MAGT1: variants seen among roughly 807,000 people sequenced by gnomAD.
MAGT1 encodes the protein magnesium transporter 1.
MAGT1 carries 4 observed loss-of-function variants against 28.4 expected under a neutral mutation model. The ratio of observed to expected loss-of-function variants is 0.14; its 90% CI spans 0.07 to 0.32. MAGT1 has a LOEUF of 0.32. Among genes scored for constraint, MAGT1 ranks in the 10% least tolerant of loss-of-function variants. The probability of loss-of-function intolerance (pLI) is 1.00; values close to 1 mark genes in which losing one functional copy is unlikely to be tolerated. For missense variants in MAGT1, 193 were observed against 264.5 expected, an observed-to-expected ratio of 0.73 and a Z score of 1.88; for synonymous variants, 89 against 89.7, an observed-to-expected ratio of 0.99 and a Z score of 0.04.
rs995718980 is a variant in MAGT1, at chrX:77,871,619, G to A, written c.273-694C>T. Among the ~76,000 whole-genome samples, 9 of 111,573 alleles carry A rather than the reference G, an allele frequency of 8.1e-5. No homozygotes were observed. The Admixed American group carries it at 8.6e-4, about 11-fold the overall frequency. ...AGCACGTTGGGAGGCTGAGGCAGGC[G>A]GATCACAAGGTCAGGAGTTCGAGAC... On this transcript the variant is annotated intron_variant, in intron 2 of 9. Transcript: ENST00000618282.
chrX:77,878,226 T>G, intron 1 of MAGT1, among the ~76,000 whole-genome samples: 1 of 93,470 alleles, frequency 1.1e-5, no homozygotes. Context: ...GAGACGGAGG[T>G]TGCAGTGAGC....
intron 8 of MAGT1, among the ~76,000 whole-genome samples, chrX:77,831,550 TG>T (rs1316573328): frequency 9.1e-6 from 1 of 109,937 alleles, no homozygotes; most frequent in East Asian, 2.8e-4. Context: ...TTAGAAACAC[TG>T]TTACAATCGA....
At chrX:77,885,961 C>T (rs1296741445) in intron 1 of MAGT1, among the ~76,000 whole-genome samples, 1 of 111,146 alleles carries the variant, frequency 9.0e-6, no homozygotes, top group Non-Finnish European at 1.9e-5. Context: ...ACTTGGGTGA[C>T]AGAGCGAGAC....
At chrX:77,862,659 T>C (rs544702953) in intron 3 of MAGT1, among the ~76,000 whole-genome samples, 1 of 111,479 alleles carries the variant, frequency 9.0e-6, no homozygotes, top group African/African-American at 3.2e-5. Context: ...ATACTCAACA[T>C]CACTCATCAT....
intron 2 of MAGT1, among the ~76,000 whole-genome samples, chrX:77,872,312 G>T (rs1341922947): frequency 9.0e-6 from 1 of 111,315 alleles, no homozygotes; most frequent in African/African-American, 3.3e-5. Flanking sequence ...CAAAGTGCTG[G>T]GATTACAGGT....
chrX:77,872,401 A>C (rs1461286473), intron 2 of MAGT1, among the ~76,000 whole-genome samples: 1 of 111,702 alleles, frequency 9.0e-6, no homozygotes, highest in East Asian at 2.8e-4. Context: ...ACTTTCCTGA[A>C]ACACTTCTCA....
intron 3 of MAGT1, among the ~76,000 whole-genome samples, chrX:77,862,657 C>G (rs1557216556): frequency 9.0e-6 from 1 of 111,591 alleles, no homozygotes; most frequent in East Asian, 2.8e-4. Flanking sequence ...AAATACTCAA[C>G]ATCACTCATC....
chrX:77,856,657 T>A, intron 5 of MAGT1, 76 bp downstream of exon 5: 1 of 983,376 alleles, frequency 1.0e-6, no homozygotes, highest in Non-Finnish European at 1.4e-6. Context: ...ACTTCTCACA[T>A]AAATAAAAGC....
chrX:77,865,636 A>G (rs1217228798), intron 3 of MAGT1, among the ~76,000 whole-genome samples: 1 of 111,607 alleles, frequency 9.0e-6, no homozygotes, highest in Admixed American at 9.6e-5. Flanking sequence ...CTACAGAGCT[A>G]ACTCTACTGT....
chrX:77,883,022 TA>T (rs2077056998), intron 1 of MAGT1, among the ~76,000 whole-genome samples: 1 of 101,426 alleles, frequency 9.9e-6, no homozygotes, highest in African/African-American at 3.5e-5. Context: ...ATATAAATTA[TA>T]TATTTGTTAT....
chrX:77,843,443 C>T (rs1420732574), intron 7 of MAGT1, among the ~76,000 whole-genome samples: 1 of 110,756 alleles, frequency 9.0e-6, no homozygotes, highest in African/African-American at 3.3e-5. Flanking sequence ...ACTATGTTGC[C>T]CAGGCTGGTC....
At chrX:77,885,091 G>A (rs2077063959) in intron 1 of MAGT1, among the ~76,000 whole-genome samples, 1 of 108,885 alleles carries the variant, frequency 9.2e-6, no homozygotes, top group African/African-American at 3.3e-5. Flanking sequence ...GAGAGACAGG[G>A]TGTCACTTTG....
At chrX:77,846,015 T>C (rs782521577) in intron 7 of MAGT1, among the ~76,000 whole-genome samples, 4 of 112,234 alleles carry the variant, frequency 3.6e-5, no homozygotes, top group South Asian at 7.4e-4. Flanking sequence ...TCCTGGATAA[T>C]ATCCTGCAGT....
chrX:77,839,510 A>AT (rs35868006), intron 8 of MAGT1, among the ~76,000 whole-genome samples: 40,261 of 80,252 alleles, frequency 0.5, 11,378 homozygotes, highest in Non-Finnish European at 0.68. Flanking sequence ...CGCCTGGCTA[A>AT]TTTTTTTTTT....
At chrX:77,892,760 A>G (rs1398184354) in intron 1 of MAGT1, among the ~76,000 whole-genome samples, 1 of 110,899 alleles carries the variant, frequency 9.0e-6, no homozygotes, top group Admixed American at 9.6e-5. Context: ...TCATGCCACT[A>G]CACTCCAGCC....
At chrX:77,875,396 AT>A (rs1557217700) in intron 2 of MAGT1, 31 bp downstream of exon 2, 1 of 1,191,753 alleles carries the variant, frequency 8.4e-7, no homozygotes, top group Admixed American at 2.2e-5. Context: ...TATATGAGTT[AT>A]TTAATTTTAA....
At chrX:77,879,568 C>T (rs1413967592) in intron 1 of MAGT1, among the ~76,000 whole-genome samples, 1 of 111,483 alleles carries the variant, frequency 9.0e-6, no homozygotes, top group African/African-American at 3.3e-5. Context: ...CTAGCACTTA[C>T]CATTTTAAGA....
At chrX:77,873,832 C>G (rs1296521297) in intron 2 of MAGT1, among the ~76,000 whole-genome samples, 1 of 111,478 alleles carries the variant, frequency 9.0e-6, no homozygotes, top group African/African-American at 3.3e-5. Context: ...GGTCACCATG[C>G]TGTGCAATAG....
At chrX:77,834,278 GTATATATATGCATATATATATATA>G (rs2076909418) in intron 8 of MAGT1, among the ~76,000 whole-genome samples, 1 of 92,916 alleles carries the variant, frequency 1.1e-5, no homozygotes, top group Non-Finnish European at 2.1e-5. Context: ...ATGCATATAT[GTATATATATGCATATATATATATA>G]CATGTGTGTA....
Sources: allele counts gnomAD v4.1 joint callset (sites outside exome capture counted in the v4.1 genomes callset), GRCh38; gene constraint gnomAD v4.1.1; transcripts MANE v1.5; gene names NCBI Gene and HGNC (gene_info 2026-07-23, HGNC 2026-07-21).